The following ZNF764 variants were observed in gnomAD, a reference collection of about 807,000 sequenced individuals.
ZNF764 encodes the protein zinc finger protein 764.
Under a neutral mutation model 13.9 loss-of-function variants are expected in ZNF764, and 10 were observed. That is an observed-to-expected ratio of 0.72 (90% CI 0.44 to 1.22). The LOEUF is 1.22. Among genes scored for constraint, ZNF764 ranks in the 50% most tolerant of loss-of-function variants. The pLI is 0.00. For missense variants in ZNF764, 647 were observed against 589.7 expected (o/e 1.10, Z -1.01); for synonymous variants, 313 against 255.1 (o/e 1.23, Z -2.16).
At position 30,554,894 on chromosome 16, in the gene ZNF764, C is replaced by T. The variant is rs1188022925; in HGVS notation, c.*300G>A. On this transcript the variant is annotated 3_prime_UTR_variant, in exon 3 of 3. Coordinates refer to ENST00000395091, the MANE Select transcript of ZNF764 (RefSeq NM_001172679.2). ...AAGACAATGGGTAAAACAAGGTTCT[C>T]CTCTACCTCAGTCCTCTTAGCACCT... is the stretch of plus-strand genomic sequence containing the variant. 2 of 392,614 alleles carry T rather than the reference C, an allele frequency of 5.1e-6. No homozygotes were observed. Among genetic ancestry groups the T allele is most frequent in the East Asian group, 3.9e-5 (1 of 25,936 alleles). The allele number at this position is 392,614 out of a possible 1,614,324, so 24.3% of individuals were successfully genotyped here.
chr16:30,558,297 G>T lies in ZNF764; in HGVS notation c.-115C>A, dbSNP rs1337804390. On this transcript the variant is annotated 5_prime_UTR_variant, in exon 1 of 3. Transcript: ENST00000395091. ...GCCCGGGCCCAAGGGAAGGAGGGAG[G>T]TTACTAGGGCCCCCGAGGGCGCACT... 7.8e-7 allele frequency: 1 copy of T among 1,279,954 alleles called. No homozygotes were observed. Among genetic ancestry groups the T allele is most frequent in the African/African-American group, 1.5e-5 (1 of 66,400 alleles). The allele number at this position is 1,279,954 out of a possible 1,614,324, so 79.3% of individuals were successfully genotyped here. A position where few individuals can be genotyped will look rare whatever the true frequency, so the allele number is the denominator to read the frequency against.
In ZNF764 at chr16:30,555,076, C is replaced by T. The variant is rs968612476; in HGVS notation, c.*118G>A. 1.6e-6 allele frequency: 2 copies of T among 1,264,314 alleles called. No homozygotes were observed. The highest frequency in any genetic ancestry group is 2.6e-5 in the Admixed American group (1 of 38,704). 78.3% of individuals were successfully genotyped at this position (1,264,314 alleles called of 1,614,324 possible). ...AGGGCCCAAGATCAGACTGTCCGCA[C>T]CCCAGGGCCAGCTCTTGCCCTAGAT... On this transcript the variant is annotated 3_prime_UTR_variant, in exon 3 of 3. Coordinates refer to ENST00000395091, the MANE Select transcript of ZNF764 (RefSeq NM_001172679.2).
At chr16:30,557,918 G>A in intron 1 of ZNF764, 69 bp downstream of exon 1, 1 of 1,571,656 alleles carries the variant, frequency 6.4e-7, no homozygotes, top group Non-Finnish European at 8.6e-7. Context: ...CCAACTTCAC[G>A]CGCAGCTCCC....
At position 30,555,278 on chromosome 16, in the gene ZNF764, A is replaced by C. The variant is rs2051538716; in HGVS notation, c.1140T>G (p.Ser380=). The C allele has an allele frequency of 6.2e-7, 1 of 1,612,848 alleles. No individual in the cohort carries two copies. Among genetic ancestry groups the C allele is most frequent in the East Asian group, 2.2e-5 (1 of 44,874 alleles). Reference sequence around the variant, plus strand: ...CTCCGTGGCCAGGGGTCAGGGTCACAGACAGACGCCCGGCGACCCGGCCCC... The same window carrying C: ...CTCCGTGGCCAGGGGTCAGGGTCACCGACAGACGCCCGGCGACCCGGCCCC... ...GHRGRVAGRL[S]VTLTPGHGDL... is the part of the protein sequence containing the mutation. Residue 380 remains serine (S), a synonymous_variant, in exon 3 of 3, where the codon TCT becomes TCG. Transcript: ENST00000395091.
At position 30,555,505 on chromosome 16, in the gene ZNF764, C is replaced by A. The variant is rs1346814314; in HGVS notation, c.913G>T (p.Val305Leu). The change falls in exon 3 of 3, where the codon GTG (valine) becomes TTG (leucine). Residue 305 changes from valine (V) to leucine (L), a missense_variant. By Grantham distance (32) the Val-to-Leu change is conservative. Transcript: ENST00000395091. ...FAYPSDLRRH[V>L]RTHTGEKPYP... ...GGCTTCTCGCCGGTGTGGGTGCGCA[C>A]GTGGCGCCGCAGGTCCGAGGGGTAG... The A allele has an allele frequency of 2.6e-6, 4 of 1,537,854 alleles. No individual in the cohort carries two copies. Among genetic ancestry groups the A allele is most frequent in the East Asian group, 4.6e-5 (2 of 43,892 alleles).
chr16:30,555,940 AG>A lies in ZNF764; in HGVS notation c.477del (p.Ser160ProfsTer58). On this transcript the variant is annotated frameshift_variant, in exon 3 of 3. Transcript: ENST00000395091. LOFTEE classifies it low-confidence loss of function (END_TRUNC). The part of the protein sequence containing the change: ...QLSKAPHRGR[P>X]SLCAHPPVPR... ...GGGACAGGGGGGTGGGCACAGAGGG[AG>A]GGGCGTCCCCGGTGCGGTGCCTTGG... The A allele has an allele frequency of 6.2e-7, 1 of 1,604,778 alleles. No individual in the cohort carries two copies. The highest frequency in any genetic ancestry group is 1.1e-5 in the South Asian group (1 of 90,804).
In ZNF764 at chr16:30,555,404, G is replaced by A. The variant is rs755194300; in HGVS notation, c.1014C>T (p.Gly338=). Residue 338 remains glycine, a synonymous_variant, in exon 3 of 3, where the codon GGC becomes GGT. Coordinates refer to ENST00000395091, the MANE Select transcript of ZNF764 (RefSeq NM_001172679.2). ...EMAAHRRTHS[G]EKPYPCPQCG... ...ACTGCGGGCAGGGGTAGGGCTTCTC[G>A]CCGCTGTGGGTGCGCCTGTGGGCTG... 1.9e-6 allele frequency: 3 copies of A among 1,565,226 alleles called. No homozygotes were observed. Among genetic ancestry groups the A allele is most frequent in the Non-Finnish European group, 2.6e-6 (3 of 1,151,752 alleles).
intron 2 of ZNF764, among the ~76,000 whole-genome samples, chr16:30,557,291 G>A (rs2051565072): frequency 1.3e-5 from 2 of 151,958 alleles, no homozygotes; most frequent in Non-Finnish European, 2.9e-5. Context: ...GGGCAACGGA[G>A]TAAAACTCTG....
Position 30,558,355 on chromosome 16 carries a change from G to A in ZNF764, c.-173C>T, listed in dbSNP as rs2051576927. 4.2e-6 allele frequency: 3 copies of A among 710,516 alleles called. No individual in the cohort carries two copies. The highest frequency in any genetic ancestry group is 6.8e-6 in the Non-Finnish European group (3 of 440,330). 44.0% of individuals were successfully genotyped at this position (710,516 alleles called of 1,614,324 possible). The stretch of plus-strand genomic sequence containing the variant: ...GTGGAAACTAACGGTGCCGATGGCA[G>A]CGGGTGTATAATCAGAAATGGAATA... On this transcript the variant is annotated 5_prime_UTR_variant, in exon 1 of 3. Transcript: ENST00000395091.
Position 30,558,330 on chromosome 16 carries a change from G to T in ZNF764, c.-148C>A. ...GGCCCCCGAGGGCGCACTAGAGGGCGTGGAAACTAACGGTGCCGATGGCAG... is the reference window on the plus strand; with the variant it reads ...GGCCCCCGAGGGCGCACTAGAGGGCTTGGAAACTAACGGTGCCGATGGCAG... On this transcript the variant is annotated 5_prime_UTR_variant, in exon 1 of 3. Transcript: ENST00000395091. 1 of 887,048 alleles carries T rather than the reference G, an allele frequency of 1.1e-6. No individual in the cohort carries two copies. The highest frequency in any genetic ancestry group is 2.9e-5 in the Admixed American group (1 of 34,008). The allele number at this position is 887,048 out of a possible 1,614,324, so 54.9% of individuals were successfully genotyped here. A position where few individuals can be genotyped will look rare whatever the true frequency, so the allele number is the denominator to read the frequency against.
chr16:30,555,588 C>CGG lies in ZNF764; in HGVS notation c.828_829dup (p.Arg277ProfsTer106). The CGG allele has an allele frequency of 1.9e-6, 3 of 1,543,954 alleles. No individual in the cohort carries two copies. The highest frequency in any genetic ancestry group is 2.6e-6 in the Non-Finnish European group (3 of 1,150,164). ...GGGGGTCTCGCCGCTGTGCACGCGC[C>CGG]GGTGCTGGTAGAGGGCAGAGCTCTG... On this transcript the variant is annotated frameshift_variant, in exon 3 of 3. Coordinates refer to ENST00000395091, the MANE Select transcript of ZNF764 (RefSeq NM_001172679.2). LOFTEE classifies it low-confidence loss of function (END_TRUNC).
rs1394647232 is a variant in ZNF764 at position 30,555,590 on chromosome 16, G to A, written c.828C>T (p.His276=). The change falls in exon 3 of 3, where the codon CAC becomes CAT. Residue 276 remains histidine, a synonymous_variant. Transcript: ENST00000395091. ...GGGTCTCGCCGCTGTGCACGCGCCG[G>A]TGCTGGTAGAGGGCAGAGCTCTGGC... The part of the protein sequence containing the change: ...RFSQSSALYQ[H]RRVHSGETPF... 5.2e-6 allele frequency: 8 copies of A among 1,545,974 alleles called. No homozygotes were observed. The highest frequency in any genetic ancestry group is 6.1e-6 in the Non-Finnish European group (7 of 1,151,032).
Position 30,558,364 on chromosome 16 carries a change from T to G in ZNF764, c.-182A>C. The G allele has an allele frequency of 4.4e-6, 3 of 677,800 alleles. No homozygotes were observed. The allele number at this position is 677,800 out of a possible 1,614,324, so 42.0% of individuals were successfully genotyped here. On this transcript the variant is annotated 5_prime_UTR_variant, in exon 1 of 3. Transcript: ENST00000395091. ...AACGGTGCCGATGGCAGCGGGTGTA[T>G]AATCAGAAATGGAATATGCCCTCAT...
In ZNF764 at chr16:30,558,270, C is replaced by CGGCCCG. The variant is rs554113230; in HGVS notation, c.-94_-89dup. The CGGCCCG allele has an allele frequency of 4.7e-4, 668 of 1,413,170 alleles. 2 individuals carry two copies. The African/African-American group carries it at 8.3e-3, about 18-fold the overall frequency. 87.5% of individuals were successfully genotyped at this position (1,413,170 alleles called of 1,614,324 possible). A position where few individuals can be genotyped will look rare whatever the true frequency, so the allele number is the denominator to read the frequency against. Reference sequence around the variant, plus strand: ...CCTCCTGCGCCCGAGAAAGCCTCCCCGGCCCGGGCCCAAGGGAAGGAGGGA... The same window carrying CGGCCCG: ...CCTCCTGCGCCCGAGAAAGCCTCCCCGGCCCGGGCCCGGGCCCAAGGGAAGGAGGGA... On this transcript the variant is annotated 5_prime_UTR_variant, in exon 1 of 3. Transcript: ENST00000395091.
Position 30,555,030 on chromosome 16 carries a change from T to A in ZNF764, c.*164A>T, listed in dbSNP as rs2051535749. 4 of 803,154 alleles carry A rather than the reference T, an allele frequency of 5.0e-6. No individual in the cohort carries two copies. Among genetic ancestry groups the A allele is most frequent in the Non-Finnish European group, 7.6e-6 (4 of 529,398 alleles). 49.8% of individuals were successfully genotyped at this position (803,154 alleles called of 1,614,324 possible). On this transcript the variant is annotated 3_prime_UTR_variant, in exon 3 of 3. Transcript: ENST00000395091. ...GAGCCCTGGGCAGTGGGGAGCAAGG[T>A]GCTGGCAGAGGAGGCTGCTAAGGGC...
chr16:30,555,821 C>T lies in ZNF764; in HGVS notation c.597G>A (p.Glu199=), dbSNP rs143625356. Reference sequence around the variant, plus strand: ...CGCAGTCAGTGCAGTGGAAGGGCTTCTCGCCAGTGTGACTGTAGACGTGCT... The same window carrying T: ...CGCAGTCAGTGCAGTGGAAGGGCTTTTCGCCAGTGTGACTGTAGACGTGCT... ...LVEHVYSHTG[E]KPFHCTDCGK... Residue 199 remains glutamate (E), a synonymous_variant, in exon 3 of 3, where the codon GAG becomes GAA. Transcript: ENST00000395091. 5.6e-6 allele frequency: 9 copies of T among 1,611,850 alleles called. No individual in the cohort carries two copies. The highest frequency in any genetic ancestry group is 7.6e-6 in the Non-Finnish European group (9 of 1,179,914).
Position 30,556,012 on chromosome 16 carries a change from G to A in ZNF764, c.406C>T (p.Pro136Ser). The change falls in exon 3 of 3, where the codon CCC (proline) becomes TCC (serine). Residue 136 changes from proline to serine, a missense_variant. By Grantham distance (74) the Pro-to-Ser change is moderately conservative. Transcript: ENST00000395091. Reference sequence around the variant, plus strand: ...GGGGGCCCGGCCGAGGGGGCTTGGGGAGACTTCAGCCCAGGAGACCCGGCG... The same window carrying A: ...GGGGGCCCGGCCGAGGGGGCTTGGGAAGACTTCAGCCCAGGAGACCCGGCG... ...VAAGSPGLKS[P>S]QAPSAGPPYG... 1.2e-6 allele frequency: 2 copies of A among 1,612,562 alleles called. No homozygotes were observed.
Position 30,555,338 on chromosome 16 carries a change from G to T in ZNF764, c.1080C>A (p.His360Gln). The part of the protein sequence containing the change: ...RFGQKSAVAK[H>Q]QWVHRPGAGG... ...CGGCCCCGGGCCGATGAACCCACTG[G>T]TGTTTGGCCACGGCTGACTTCTGGC... The change falls in exon 3 of 3, where the codon CAC becomes CAA. Residue 360 changes from histidine to glutamine, a missense_variant. By Grantham distance (24) the His-to-Gln change is conservative. Transcript: ENST00000395091. 6.2e-7 allele frequency: 1 copy of T among 1,608,052 alleles called. No homozygotes were observed. Among genetic ancestry groups the T allele is most frequent in the Non-Finnish European group, 8.5e-7 (1 of 1,177,362 alleles).
At position 30,555,865 on chromosome 16, in the gene ZNF764, A is replaced by C. The variant is rs778079393; in HGVS notation, c.553T>G (p.Trp185Gly). Reference sequence around the variant, plus strand: ...ACGTGCTCCACCAGTGTGGAGCGCCAGGCAAAGCTCTTCCCGCACACGTAG... The same window carrying C: ...ACGTGCTCCACCAGTGTGGAGCGCCCGGCAAAGCTCTTCCCGCACACGTAG... ...GCYVCGKSFAWRSTLVEHVYS... is the reference protein window; with the variant it reads ...GCYVCGKSFAGRSTLVEHVYS... Residue 185 changes from tryptophan (W) to glycine (G), a missense_variant, in exon 3 of 3, where the codon TGG (tryptophan) becomes GGG (glycine). Coordinates refer to ENST00000395091, the MANE Select transcript of ZNF764 (RefSeq NM_001172679.2). 6.8e-6 allele frequency: 11 copies of C among 1,612,106 alleles called. No homozygotes were observed. In the African/African-American group the frequency reaches 1.5e-4, roughly 22 times the overall value.
Sources: allele counts gnomAD v4.1 joint callset (sites outside exome capture counted in the v4.1 genomes callset), GRCh38; gene constraint gnomAD v4.1.1; transcripts MANE v1.5; gene names NCBI Gene and HGNC (gene_info 2026-07-23, HGNC 2026-07-21).